The following MINDY4 variants were observed in gnomAD, a reference collection of about 807,000 sequenced individuals.
The protein encoded by MINDY4 is probable ubiquitin carboxyl-terminal hydrolase MINDY-4.
Under a neutral mutation model 87.0 loss-of-function variants are expected in MINDY4, and 68 were observed. The ratio of observed to expected loss-of-function variants is 0.78; its 90% CI spans 0.64 to 0.96. The LOEUF is 0.96. Ranked by LOEUF, MINDY4 falls within the 40% of genes least tolerant of loss-of-function variation. The probability of loss-of-function intolerance (pLI) is 0.00; values close to 1 mark genes in which losing one functional copy is unlikely to be tolerated. For synonymous variants in MINDY4, 379 were observed against 363.2 expected, an observed-to-expected ratio of 1.04 and a Z score of -0.50; for missense variants, 919 against 928.2, an observed-to-expected ratio of 0.99 and a Z score of 0.13.
chr7:30,890,471 A>G (rs1232152941), intron 17 of MINDY4, among the ~76,000 whole-genome samples: 2 of 152,258 alleles, frequency 1.3e-5, no homozygotes, highest in Non-Finnish European at 2.9e-5. Flanking sequence ...TATAGGAGCA[A>G]GAAGCACAAA....
At chr7:30,818,583 T>G (rs1038467895) in intron 5 of MINDY4, among the ~76,000 whole-genome samples, 18 of 152,278 alleles carry the variant, frequency 1.2e-4, no homozygotes, top group African/African-American at 4.1e-4. Flanking sequence ...CTGCACAGAC[T>G]TTTAGTGTGT....
At chr7:30,828,216 C>G (rs1562544531) in intron 5 of MINDY4, among the ~76,000 whole-genome samples, 1 of 152,088 alleles carries the variant, frequency 6.6e-6, no homozygotes, top group Admixed American at 6.6e-5. Flanking sequence ...TTATAGATAG[C>G]TGCTGATGGC....
chr7:30,837,650 T>C (rs936292198), intron 7 of MINDY4, among the ~76,000 whole-genome samples: 7 of 152,208 alleles, frequency 4.6e-5, no homozygotes, highest in African/African-American at 1.7e-4. Flanking sequence ...TCTGTCACCA[T>C]GCAATGAGTC....
chr7:30,875,677 A>G, intron 15 of MINDY4, 21 bp downstream of exon 15: 2 of 1,588,152 alleles, frequency 1.3e-6, no homozygotes, highest in East Asian at 4.5e-5. Context: ...GCTCACGTTC[A>G]CCACAAGTAG....
Position 30,810,174 on chromosome 7 carries a change from C to CAAAA in MINDY4, c.1074-18485_1074-18482dup, listed in dbSNP as rs58498956. Among the ~76,000 whole-genome samples the CAAAA allele has an allele frequency of 9.4e-3, 625 of 66,578 alleles. 47 individuals carry two copies. Among genetic ancestry groups the CAAAA allele is most frequent in the African/African-American group, 0.031 (506 of 16,194 alleles). 43.7% of individuals were successfully genotyped at this position (66,578 alleles called of 152,430 possible). A position where few individuals can be genotyped will look rare whatever the true frequency, so the allele number is the denominator to read the frequency against. On this transcript the variant is annotated intron_variant, in intron 5 of 17. Coordinates refer to ENST00000265299, the MANE Select transcript of MINDY4 (RefSeq NM_032222.3). ...TGGGCGACAGAGCAAGACTCTGTTT[C>CAAAA]AAAAAAAAAAAAAAAAAAAAAAAGA...
intron 6 of MINDY4, among the ~76,000 whole-genome samples, chr7:30,835,889 C>G (rs1258982005): frequency 6.6e-6 from 1 of 152,236 alleles, no homozygotes; most frequent in Non-Finnish European, 1.5e-5. Flanking sequence ...ACGGGGAAGT[C>G]ACAGCTGGGA....
At chr7:30,831,082 G>C (rs1023468297) in intron 6 of MINDY4, among the ~76,000 whole-genome samples, 2 of 152,148 alleles carry the variant, frequency 1.3e-5, no homozygotes, top group African/African-American at 4.8e-5. Context: ...ATAGACTTTA[G>C]GGATACAAGC....
At chr7:30,834,203 T>G (rs865790292) in intron 6 of MINDY4, among the ~76,000 whole-genome samples, 2 of 152,262 alleles carry the variant, frequency 1.3e-5, no homozygotes, top group South Asian at 4.1e-4. Context: ...GCCCCGCCCC[T>G]GTAGCAAACT....
chr7:30,779,351 C>T (rs1036539327), intron 2 of MINDY4, among the ~76,000 whole-genome samples: 43 of 152,236 alleles, frequency 2.8e-4, no homozygotes, highest in Non-Finnish European at 8.8e-5. Context: ...AATGACTATA[C>T]GAATGAATGA....
chr7:30,865,658 G>A (rs942017235), intron 13 of MINDY4, among the ~76,000 whole-genome samples: 6 of 152,246 alleles, frequency 3.9e-5, no homozygotes, highest in Admixed American at 6.5e-5. Context: ...TGGAGGTGGA[G>A]GAGAGAGGGA....
At chr7:30,772,307 G>A (rs1439460549) in intron 1 of MINDY4, among the ~76,000 whole-genome samples, 1 of 152,142 alleles carries the variant, frequency 6.6e-6, no homozygotes, top group Non-Finnish European at 1.5e-5. Context: ...AGGGCGATGG[G>A]TACTTGTCTT....
At chr7:30,799,489 G>A (rs1787587422) in intron 5 of MINDY4, among the ~76,000 whole-genome samples, 1 of 152,228 alleles carries the variant, frequency 6.6e-6, no homozygotes, top group Non-Finnish European at 1.5e-5. Context: ...ATTTTGAGCT[G>A]AAGGCAGGCT....
chr7:30,776,101 C>A (rs10247368), intron 1 of MINDY4, among the ~76,000 whole-genome samples: 40,265 of 152,134 alleles, frequency 0.26, 5,852 homozygotes, highest in East Asian at 0.52. Flanking sequence ...TCAATAGCCT[C>A]CTAAATGGTT....
rs531602816 is a variant in MINDY4 at position 30,820,191 on chromosome 7, G to A, written c.1074-8488G>A. 2.2e-4 allele frequency among the ~76,000 whole-genome samples: 34 copies of A among 152,076 alleles called. No homozygotes were observed. The East Asian group carries it at 5.8e-3, about 26-fold the overall frequency. On this transcript the variant is annotated intron_variant, in intron 5 of 17. Coordinates refer to ENST00000265299, the MANE Select transcript of MINDY4 (RefSeq NM_032222.3). ...GCTGGGATTACAGGCGTGAGCCACC[G>A]CGCCCGGCCAATAATTTTTAAAAGT...
Position 30,796,563 on chromosome 7 carries a change from C to T in MINDY4, c.1073+4989C>T, listed in dbSNP as rs1478328565. 10 of 152,162 alleles carry T rather than the reference C, an allele frequency of 6.6e-5. No individual in the cohort carries two copies. In the East Asian group the frequency reaches 1.9e-3, roughly 29 times the overall value. 9.4% of individuals were successfully genotyped at this position (152,162 alleles called of 1,614,324 possible). ...TACATGCATCTTTAGGACTTGTTTA[C>T]ATTCTTAACTTCATAGACTGTCAGT... On this transcript the variant is annotated intron_variant, in intron 5 of 17. Transcript: ENST00000265299.
intron 1 of MINDY4, among the ~76,000 whole-genome samples, chr7:30,777,291 C>A (rs1014076093): frequency 6.6e-6 from 1 of 152,108 alleles, no homozygotes; most frequent in South Asian, 2.1e-4. Context: ...AAGAATTATC[C>A]ATCAGAGAGA....
intron 17 of MINDY4, among the ~76,000 whole-genome samples, chr7:30,884,627 G>A (rs914802698): frequency 5.9e-5 from 9 of 152,198 alleles, no homozygotes; most frequent in Admixed American, 3.3e-4. Context: ...GAAGGCCTCC[G>A]TCTGACTCTG....
At chr7:30,803,333 A>C (rs775177043) in intron 5 of MINDY4, 8 of 152,196 alleles carry the variant, frequency 5.3e-5, no homozygotes, top group Non-Finnish European at 1.0e-4. Context: ...ATTGAGATGG[A>C]TTCTTGACTT....
In MINDY4 at chr7:30,884,137, G is replaced by A. The variant is rs920594246; in HGVS notation, c.2225+1144G>A. ...AGGCCCTGCAATGCTTACTGCCTGA[G>A]ATCCAGGGGGCACAGCAAGCTTAGG... On this transcript the variant is annotated intron_variant, in intron 17 of 17. Coordinates refer to ENST00000265299, the MANE Select transcript of MINDY4 (RefSeq NM_032222.3). Among the ~76,000 whole-genome samples, 4 of 152,256 alleles carry A rather than the reference G, an allele frequency of 2.6e-5. No homozygotes were observed. The South Asian group carries it at 6.2e-4, about 24-fold the overall frequency.
Sources: allele counts gnomAD v4.1 joint callset (sites outside exome capture counted in the v4.1 genomes callset), GRCh38; gene constraint gnomAD v4.1.1; transcripts MANE v1.5; gene names NCBI Gene and HGNC (gene_info 2026-07-23, HGNC 2026-07-21).